Variants in CFH observed in about 807,000 individuals in gnomAD.
CFH encodes complement factor H, also known as H factor 1 (complement).
Under a neutral mutation model 147.3 loss-of-function variants are expected in CFH, and 53 were observed. The observed-to-expected ratio is 0.36, with a 90% CI of 0.29 to 0.45. CFH has a LOEUF of 0.45. Among genes scored for constraint, CFH ranks in the 20% least tolerant of loss-of-function variants. CFH has a pLI of 1.00. For synonymous variants in CFH, 536 were observed against 489.4 expected, an observed-to-expected ratio of 1.10 and a Z score of -1.26; for missense variants, 1,380 against 1,498.0, an observed-to-expected ratio of 0.92 and a Z score of 1.30.
intron 10 of CFH, 116 bp from the exon 11 acceptor site, chr1:196,715,471 TTGTACG>T: frequency 2.7e-6 from 2 of 738,222 alleles, no homozygotes; most frequent in Non-Finnish European, 4.6e-6. Flanking sequence ...TAGATTATTT[TTGTACG>T]GTACCTATTT....
intron 1 of CFH, among the ~76,000 whole-genome samples, chr1:196,657,112 C>G (rs1666728427): frequency 6.6e-6 from 1 of 152,058 alleles, no homozygotes; most frequent in South Asian, 2.1e-4. Flanking sequence ...CTGCCTCAGC[C>G]TCCCACACCT....
intron 9 of CFH, among the ~76,000 whole-genome samples, chr1:196,709,962 A>G (rs398248): frequency 0.03 from 4,558 of 152,174 alleles, 204 homozygotes; most frequent in African/African-American, 0.099. Flanking sequence ...GTGAGCTGTG[A>G]TCACGCTACT....
chr1:196,721,196 G>T (rs1318866116), intron 11 of CFH, among the ~76,000 whole-genome samples: 1 of 151,386 alleles, frequency 6.6e-6, no homozygotes, highest in Non-Finnish European at 1.5e-5. Context: ...GCAGATTCTG[G>T]ATATTAGCCC....
At chr1:196,678,045 G>T in intron 5 of CFH, 1 of 242,340 alleles carries the variant, frequency 4.1e-6, no homozygotes, top group Non-Finnish European at 8.3e-6. Context: ...AGAATGCTAA[G>T]TATTTCTGCT....
At chr1:196,679,423 A>C in intron 5 of CFH, 200 bp from the exon 6 acceptor site, 1 of 441,924 alleles carries the variant, frequency 2.3e-6, no homozygotes, top group Non-Finnish European at 4.1e-6. Context: ...AAACTAAATA[A>C]AATCAGAAGC....
chr1:196,690,365 A>G, intron 9 of CFH, 126 bp downstream of exon 9: 2 of 1,415,770 alleles, frequency 1.4e-6, no homozygotes, highest in East Asian at 2.3e-5. Context: ...CAATGGACCT[A>G]TTTAGTTTTT....
intron 1 of CFH, among the ~76,000 whole-genome samples, chr1:196,665,076 CTT>C (rs1416433858): frequency 6.6e-6 from 1 of 151,234 alleles, no homozygotes; most frequent in African/African-American, 2.4e-5. Context: ...ATTTTTATCT[CTT>C]TTAATTATTG....
intron 15 of CFH, among the ~76,000 whole-genome samples, chr1:196,736,335 G>A (rs1219279279): frequency 6.6e-6 from 1 of 152,046 alleles, no homozygotes; most frequent in East Asian, 1.9e-4. Context: ...TCAAGTGTCA[G>A]TACCAAATTG....
chr1:196,708,702 C>T (rs1227903944), intron 9 of CFH, among the ~76,000 whole-genome samples: 2 of 152,074 alleles, frequency 1.3e-5, no homozygotes, highest in Non-Finnish European at 2.9e-5. Context: ...TCAGACCCTC[C>T]TCTGTTAGGG....
At position 196,725,283 on chromosome 1, in the gene CFH, T is replaced by C; in HGVS notation, c.1859T>C (p.Leu620Pro). 2 of 1,613,742 alleles carry C rather than the reference T, an allele frequency of 1.2e-6. No individual in the cohort carries two copies. The highest frequency in any genetic ancestry group is 1.7e-6 in the Non-Finnish European group (2 of 1,179,718). The part of the protein sequence containing the change: ...QCYHFGLSPD[L>P]PICKEQVQSC... The stretch of plus-strand genomic sequence containing the variant: ...TACCACTTTGGATTGTCTCCTGACC[T>C]CCCAATATGTAAAGGTGAATGCTTA... The change falls in exon 12 of 22, where the codon CTC becomes CCC. Residue 620 changes from leucine (L) to proline (P), a missense_variant. Physicochemically the swap from Leu to Pro is moderately conservative, Grantham distance 98. This residue lies in a region of CFH where 830 missense variants were observed against 821.4 expected (regional missense o/e 1.01). Transcript: ENST00000367429.
chr1:196,713,093 G>A (rs72734342), intron 9 of CFH, among the ~76,000 whole-genome samples: 28 of 152,066 alleles, frequency 1.8e-4, no homozygotes, highest in Non-Finnish European at 3.5e-4. Context: ...GCATGTAACC[G>A]ACAGTAATTT....
chr1:196,699,930 G>C (rs146626324), intron 9 of CFH, among the ~76,000 whole-genome samples: 273 of 152,236 alleles, frequency 1.8e-3, no homozygotes, highest in African/African-American at 6.4e-3. Context: ...TACTAGTCCA[G>C]GATAACATAA....
intron 1 of CFH, among the ~76,000 whole-genome samples, chr1:196,672,384 G>A (rs1273964384): frequency 6.6e-6 from 1 of 152,116 alleles, no homozygotes; most frequent in African/African-American, 2.4e-5. Context: ...ACAATTTGTT[G>A]TTGTTCCAAT....
chr1:196,730,629 A>G (rs1360531730), intron 15 of CFH, among the ~76,000 whole-genome samples: 1 of 151,760 alleles, frequency 6.6e-6, no homozygotes, highest in African/African-American at 2.4e-5. Flanking sequence ...ATGTTTCCTT[A>G]TTGATATTCT....
intron 9 of CFH, among the ~76,000 whole-genome samples, chr1:196,712,214 A>G (rs183463810): frequency 6.6e-6 from 1 of 152,126 alleles, no homozygotes; most frequent in Non-Finnish European, 1.5e-5. Flanking sequence ...TTGTGGCAAG[A>G]ACTCTGTTTT....
At chr1:196,691,063 G>T (rs1227862103) in intron 9 of CFH, among the ~76,000 whole-genome samples, 2 of 151,942 alleles carry the variant, frequency 1.3e-5, no homozygotes, top group African/African-American at 2.4e-5. Flanking sequence ...AAAATGATTT[G>T]GGGGCTGCCT....
chr1:196,697,164 T>C (rs1668301702), intron 9 of CFH, among the ~76,000 whole-genome samples: 3 of 152,134 alleles, frequency 2.0e-5, no homozygotes, highest in Non-Finnish European at 4.4e-5. Flanking sequence ...TGGGATCTAA[T>C]TAAACTAAAG....
chr1:196,732,457 T>G (rs2149110958), intron 15 of CFH, among the ~76,000 whole-genome samples: 1 of 152,224 alleles, frequency 6.6e-6, no homozygotes, highest in Non-Finnish European at 1.5e-5. Flanking sequence ...GTAAAACACC[T>G]ATATCCACTT....
At chr1:196,699,122 A>G (rs1361478062) in intron 9 of CFH, among the ~76,000 whole-genome samples, 2 of 152,156 alleles carry the variant, frequency 1.3e-5, no homozygotes, top group African/African-American at 4.8e-5. Flanking sequence ...TCATTTTTAT[A>G]AGAAATAGAC....
Sources: allele counts gnomAD v4.1 joint callset (sites outside exome capture counted in the v4.1 genomes callset), GRCh38; gene constraint gnomAD v4.1.1; regional missense constraint gnomAD v4.1.1; transcripts MANE v1.5; gene names NCBI Gene and HGNC (gene_info 2026-07-23, HGNC 2026-07-21).